Variants in C3orf70 observed in about 807,000 individuals in gnomAD.
C3orf70 encodes the protein UPF0524 protein C3orf70.
C3orf70 carries 15 observed loss-of-function variants against 20.7 expected under a neutral mutation model. The observed-to-expected ratio is 0.72, with a 90% confidence interval of 0.48 to 1.11. The LOEUF (loss-of-function observed/expected upper bound fraction) is 1.11. C3orf70 is among the 50% of genes most tolerant of loss of function. The probability of loss-of-function intolerance (pLI) is 0.00; values close to 1 mark genes in which losing one functional copy is unlikely to be tolerated. For missense variants in C3orf70, 332 were observed against 317.6 expected (o/e 1.05, Z -0.34); for synonymous variants, 161 against 125.7 (o/e 1.28, Z -1.88).
At chr3:185,119,281 T>C (rs185877329) in intron 1 of C3orf70, among the ~76,000 whole-genome samples, 2 of 152,146 alleles carry the variant, frequency 1.3e-5, no homozygotes, top group Non-Finnish European at 2.9e-5. Flanking sequence ...AGTTTTAAGA[T>C]GAGTATGTTC....
chr3:185,119,128 T>C (rs1432030453), intron 1 of C3orf70, among the ~76,000 whole-genome samples: 1 of 152,230 alleles, frequency 6.6e-6, no homozygotes, highest in Non-Finnish European at 1.5e-5. Context: ...TGGAAGCTTA[T>C]GTTATTTGTT....
chr3:185,077,799 G>T lies in C3orf70; in HGVS notation c.*5208C>A, dbSNP rs1466103827. Among the ~76,000 whole-genome samples the T allele has an allele frequency of 2.0e-5, 3 of 147,432 alleles. No homozygotes were observed. Among genetic ancestry groups the T allele is most frequent in the East Asian group, 2.1e-4 (1 of 4,712 alleles). On this transcript the variant is annotated 3_prime_UTR_variant, in exon 2 of 2. Transcript: ENST00000335012. ...GCTATTTGGTGGTGGTGGGGGGGGGGTATCAAGTTTTATTTGCTATAAACC... is the reference window on the plus strand; with the variant it reads ...GCTATTTGGTGGTGGTGGGGGGGGGTTATCAAGTTTTATTTGCTATAAACC...
intron 1 of C3orf70, among the ~76,000 whole-genome samples, chr3:185,091,255 G>A (rs984921363): frequency 2.6e-5 from 4 of 152,146 alleles, no homozygotes; most frequent in Admixed American, 6.6e-5. Flanking sequence ...GACAGAGACC[G>A]GTATTGTAGC....
rs1287537400 is a variant in C3orf70, at chr3:185,077,407, ATC to A, written c.*5598_*5599del. On this transcript the variant is annotated 3_prime_UTR_variant, in exon 2 of 2. Coordinates refer to ENST00000335012, the MANE Select transcript of C3orf70 (RefSeq NM_001025266.3). ...GTGGACTTCTTGAGCTCTTTTCCTG[ATC>A]TGTGAAATGGGGCTGCTTTAATCTC... 1.3e-5 allele frequency among the ~76,000 whole-genome samples: 2 copies of A among 152,062 alleles called. No individual in the cohort carries two copies. The highest frequency in any genetic ancestry group is 4.8e-5 in the African/African-American group (2 of 41,388).
rs527723891 is a variant in C3orf70 at position 185,077,792 on chromosome 3, G to C, written c.*5215C>G. 6.6e-6 allele frequency among the ~76,000 whole-genome samples: 1 copy of C among 150,522 alleles called. No individual in the cohort carries two copies. Among genetic ancestry groups the C allele is most frequent in the Non-Finnish European group, 1.5e-5 (1 of 67,582 alleles). On this transcript the variant is annotated 3_prime_UTR_variant, in exon 2 of 2. Coordinates refer to ENST00000335012, the MANE Select transcript of C3orf70 (RefSeq NM_001025266.3). ...AATAAATGCTATTTGGTGGTGGTGG[G>C]GGGGGGGTATCAAGTTTTATTTGCT...
chr3:185,106,970 G>A (rs115196481), intron 1 of C3orf70, among the ~76,000 whole-genome samples: 7,906 of 152,218 alleles, frequency 0.052, 656 homozygotes, highest in African/African-American at 0.18. Context: ...TGATTGTGCC[G>A]TATGTGGACA....
At chr3:185,109,737 G>A (rs953202336) in intron 1 of C3orf70, among the ~76,000 whole-genome samples, 4 of 152,160 alleles carry the variant, frequency 2.6e-5, no homozygotes, top group African/African-American at 9.7e-5. Context: ...ATGCCTGGAT[G>A]TAATCACTCT....
chr3:185,107,306 C>A (rs536832089), intron 1 of C3orf70, among the ~76,000 whole-genome samples: 2 of 152,116 alleles, frequency 1.3e-5, no homozygotes, highest in Admixed American at 6.5e-5. Context: ...TTATAACTTC[C>A]GTACCTATAA....
intron 1 of C3orf70, among the ~76,000 whole-genome samples, chr3:185,096,513 C>G (rs1305943391): frequency 6.6e-6 from 1 of 152,122 alleles, no homozygotes; most frequent in Non-Finnish European, 1.5e-5. Flanking sequence ...TGCCACTGAG[C>G]TCCAAATTTT....
intron 1 of C3orf70, among the ~76,000 whole-genome samples, chr3:185,151,161 G>T (rs1460069867): frequency 1.3e-5 from 2 of 152,234 alleles, no homozygotes; most frequent in African/African-American, 4.8e-5. Flanking sequence ...ATATAAGGAA[G>T]AGTATTTTAA....
At chr3:185,109,786 C>T (rs532226098) in intron 1 of C3orf70, among the ~76,000 whole-genome samples, 24 of 151,984 alleles carry the variant, frequency 1.6e-4, no homozygotes, top group Non-Finnish European at 2.4e-4. Flanking sequence ...TCAGTATTTA[C>T]CATAATAAAT....
At chr3:185,087,247 G>A (rs1480607111) in intron 1 of C3orf70, among the ~76,000 whole-genome samples, 1 of 152,192 alleles carries the variant, frequency 6.6e-6, no homozygotes, top group African/African-American at 2.4e-5. Context: ...AAAAGGAAAA[G>A]ATACTCAGAG....
intron 1 of C3orf70, among the ~76,000 whole-genome samples, chr3:185,123,060 C>T (rs1237334454): frequency 1.3e-5 from 2 of 151,120 alleles, no homozygotes; most frequent in African/African-American, 4.9e-5. Flanking sequence ...CACCTGTAGT[C>T]CCAACTACTC....
At chr3:185,135,051 A>AT in intron 1 of C3orf70, among the ~76,000 whole-genome samples, 1 of 152,360 alleles carries the variant, frequency 6.6e-6, no homozygotes, top group African/African-American at 2.4e-5. Context: ...ATCTTATTTA[A>AT]TTAAGATTCA....
chr3:185,088,043 C>A (rs898666325), intron 1 of C3orf70, among the ~76,000 whole-genome samples: 1 of 151,892 alleles, frequency 6.6e-6, no homozygotes, highest in Non-Finnish European at 1.5e-5. Flanking sequence ...TCCCGAGTAG[C>A]TGGGATTACA....
At position 185,076,969 on chromosome 3, in the gene C3orf70, G is replaced by A. The variant is rs925965696; in HGVS notation, c.*6038C>T. The stretch of plus-strand genomic sequence containing the variant: ...AGAGTTAAAACAGTAGAGTGCACAC[G>A]CAGATGAGATGCGCTGTCTGCAGGA... On this transcript the variant is annotated 3_prime_UTR_variant, in exon 2 of 2. Transcript: ENST00000335012. Among the ~76,000 whole-genome samples, 1 of 152,214 alleles carries A rather than the reference G, an allele frequency of 6.6e-6. No homozygotes were observed. The highest frequency in any genetic ancestry group is 1.5e-5 in the Non-Finnish European group (1 of 68,036).
chr3:185,092,451 C>T (rs372489188), intron 1 of C3orf70, among the ~76,000 whole-genome samples: 1 of 152,102 alleles, frequency 6.6e-6, no homozygotes, highest in Non-Finnish European at 1.5e-5. Flanking sequence ...TCACCTCCCC[C>T]CAAACCCTAG....
chr3:185,123,396 C>T (rs7629390), intron 1 of C3orf70, among the ~76,000 whole-genome samples: 1 of 151,748 alleles, frequency 6.6e-6, no homozygotes, highest in Non-Finnish European at 1.5e-5. Context: ...CATCAAAACA[C>T]TTAGATTGAA....
At chr3:185,103,504 A>G (rs1016605184) in intron 1 of C3orf70, among the ~76,000 whole-genome samples, 4 of 151,712 alleles carry the variant, frequency 2.6e-5, no homozygotes, top group African/African-American at 9.7e-5. Flanking sequence ...TTTACAAGAA[A>G]AAAAAAACCA....
Sources: allele counts gnomAD v4.1 joint callset (sites outside exome capture counted in the v4.1 genomes callset), GRCh38; gene constraint gnomAD v4.1.1; transcripts MANE v1.5; gene names NCBI Gene and HGNC (gene_info 2026-07-23, HGNC 2026-07-21).